Variants in SPPL2A observed in about 807,000 individuals in gnomAD.
The protein encoded by SPPL2A is signal peptide peptidase like 2A.
SPPL2A carries 51 observed loss-of-function variants against 63.8 expected under a neutral mutation model. The ratio of observed to expected loss-of-function variants is 0.80; its 90% confidence interval spans 0.64 to 1.01. The LOEUF is 1.01. SPPL2A is among the 50% of genes least tolerant of loss of function. SPPL2A has a pLI of 0.00. For synonymous variants in SPPL2A, 188 were observed against 205.8 expected (o/e 0.91, Z 0.74); for missense variants, 553 against 622.7 (o/e 0.89, Z 1.19).
At chr15:50,715,292 C>G (rs1446102039) in intron 14 of SPPL2A, among the ~76,000 whole-genome samples, 1 of 152,030 alleles carries the variant, frequency 6.6e-6, no homozygotes, top group Non-Finnish European at 1.5e-5. Context: ...GCCACCGCTC[C>G]CGGCCTAAGA....
chr15:50,752,075 C>T (rs957965564), intron 1 of SPPL2A, among the ~76,000 whole-genome samples: 2 of 151,994 alleles, frequency 1.3e-5, no homozygotes, highest in Admixed American at 6.6e-5. Flanking sequence ...AGGTGATCCA[C>T]CCACCTCAGC....
At chr15:50,760,893 T>C (rs1204400701) in intron 1 of SPPL2A, among the ~76,000 whole-genome samples, 1 of 152,156 alleles carries the variant, frequency 6.6e-6, no homozygotes, top group Non-Finnish European at 1.5e-5. Flanking sequence ...GCAACAGATT[T>C]TTCTGCTGGG....
chr15:50,723,051 A>G (rs948735960), intron 12 of SPPL2A, among the ~76,000 whole-genome samples: 3 of 152,258 alleles, frequency 2.0e-5, no homozygotes, highest in African/African-American at 4.8e-5. Context: ...CAACAGGTAT[A>G]TGAAAAAATT....
chr15:50,708,434 G>A (rs1042329785), intron 14 of SPPL2A, among the ~76,000 whole-genome samples: 1 of 152,240 alleles, frequency 6.6e-6, no homozygotes, highest in Non-Finnish European at 1.5e-5. Flanking sequence ...TAGGCCGGGC[G>A]CAGTGGCTCA....
chr15:50,739,359 A>C (rs991320484), intron 6 of SPPL2A, among the ~76,000 whole-genome samples: 1 of 151,644 alleles, frequency 6.6e-6, no homozygotes, highest in African/African-American at 2.4e-5. Context: ...CTGTATTTTC[A>C]GTATAGATGG....
rs2062497550 is a variant in SPPL2A, at chr15:50,704,865, A to T, written c.*2935T>A. 6.6e-6 allele frequency: 1 copy of T among 152,206 alleles called. No homozygotes were observed. The allele number at this position is 152,206 out of a possible 1,614,324, so 9.4% of individuals were successfully genotyped here. A position where few individuals can be genotyped will look rare whatever the true frequency, so the allele number is the denominator to read the frequency against. ...TTTAACCAATAAGATTTTAATAGCA[A>T]ATTAGAACAAGATTTTACCTCCTTA... On this transcript the variant is annotated 3_prime_UTR_variant, in exon 15 of 15. Coordinates refer to ENST00000261854, the MANE Select transcript of SPPL2A (RefSeq NM_032802.4).
intron 14 of SPPL2A, among the ~76,000 whole-genome samples, chr15:50,717,256 C>T (rs1410245001): frequency 1.3e-5 from 2 of 152,076 alleles, no homozygotes; most frequent in African/African-American, 4.8e-5. Context: ...CCCACTGAAG[C>T]CCCTATCTTC....
chr15:50,752,483 C>T (rs1216995622), intron 1 of SPPL2A, among the ~76,000 whole-genome samples: 1 of 151,770 alleles, frequency 6.6e-6, no homozygotes, highest in Non-Finnish European at 1.5e-5. Flanking sequence ...CTCGGGAGGC[C>T]GAGGCGGGTA....
Position 50,732,830 on chromosome 15 carries a change from C to T in SPPL2A, c.933-146G>A, listed in dbSNP as rs1410518839. Reference sequence around the variant, plus strand: ...TTAAGACAGATTCTCACTCTGTCACCCAGGCTGGAGTGCAGTGGCATGATC... The same window carrying T: ...TTAAGACAGATTCTCACTCTGTCACTCAGGCTGGAGTGCAGTGGCATGATC... On this transcript the variant is annotated intron_variant, in intron 8 of 14. Transcript: ENST00000261854. The T allele has an allele frequency of 6.8e-6, 4 of 589,014 alleles. No homozygotes were observed. The East Asian group carries it at 1.2e-4, about 18-fold the overall frequency. The allele number at this position is 589,014 out of a possible 1,614,324, so 36.5% of individuals were successfully genotyped here.
intron 9 of SPPL2A, 76 bp from the exon 10 acceptor site, chr15:50,731,115 C>A: frequency 1.5e-6 from 1 of 651,152 alleles, no homozygotes; most frequent in African/African-American, 1.9e-5. Context: ...TTTTCAAGTG[C>A]AAATAAATAT....
intron 1 of SPPL2A, among the ~76,000 whole-genome samples, chr15:50,755,579 C>T (rs1259521195): frequency 6.9e-6 from 1 of 144,792 alleles, no homozygotes; most frequent in Non-Finnish European, 1.5e-5. Context: ...CATGACCATG[C>T]CACTGCATTC....
chr15:50,741,895 G>A (rs755072611), intron 5 of SPPL2A, among the ~76,000 whole-genome samples: 2 of 152,006 alleles, frequency 1.3e-5, no homozygotes, highest in Non-Finnish European at 2.9e-5. Flanking sequence ...GAACCTGGGA[G>A]GCAGAGGTTG....
intron 11 of SPPL2A, chr15:50,725,847 A>G (rs2062683275): frequency 1.7e-5 from 4 of 234,786 alleles, no homozygotes; most frequent in African/African-American, 4.5e-5. Context: ...AGTTTTGAAA[A>G]AAATGCTCAA....
In SPPL2A at chr15:50,732,686, T is replaced by A; in HGVS notation, c.933-2A>T. The A allele has an allele frequency of 6.3e-7, 1 of 1,592,988 alleles. No homozygotes were observed. The highest frequency in any genetic ancestry group is 1.1e-5 in the South Asian group (1 of 89,882). ...ATATCCTGTAAAATCCAAGCCCACC[T>A]AAAATCAAAAAATATTACTCTATTG... On this transcript the variant is annotated splice_acceptor_variant, in intron 8 of 14. Coordinates refer to ENST00000261854, the MANE Select transcript of SPPL2A (RefSeq NM_032802.4). LOFTEE classifies it high-confidence loss of function.
chr15:50,703,356 A>ATATATTTTTTTTTT lies in SPPL2A; in HGVS notation c.*4443_*4444insAAAAAAAAAATATA, dbSNP rs1196710672. 2 of 62,042 alleles carry ATATATTTTTTTTTT rather than the reference A, an allele frequency of 3.2e-5. No individual in the cohort carries two copies. The highest frequency in any genetic ancestry group is 1.4e-4 in the African/African-American group (2 of 14,240). 3.8% of individuals were successfully genotyped at this position (62,042 alleles called of 1,614,324 possible). A position where few individuals can be genotyped will look rare whatever the true frequency, so the allele number is the denominator to read the frequency against. On this transcript the variant is annotated 3_prime_UTR_variant, in exon 15 of 15. Coordinates refer to ENST00000261854, the MANE Select transcript of SPPL2A (RefSeq NM_032802.4). The stretch of plus-strand genomic sequence containing the variant: ...TATATATATATATATACATATATAT[A>ATATATTTTTTTTTT]TTTTTTTTTTTTTTTTTTTTTTTTG...
chr15:50,725,720 C>A (rs527843636), intron 11 of SPPL2A, among the ~76,000 whole-genome samples: 2 of 152,176 alleles, frequency 1.3e-5, no homozygotes, highest in Non-Finnish European at 2.9e-5. Flanking sequence ...CATGAGCCAC[C>A]GTGCCTGGCC....
chr15:50,762,733 TTC>T (rs2063023009), intron 1 of SPPL2A, among the ~76,000 whole-genome samples: 1 of 138,826 alleles, frequency 7.2e-6, no homozygotes, highest in Non-Finnish European at 1.6e-5. Context: ...TTTTTTTCTT[TTC>T]TTTTTTTTTT....
At chr15:50,759,832 T>C (rs1191820880) in intron 1 of SPPL2A, among the ~76,000 whole-genome samples, 1 of 152,210 alleles carries the variant, frequency 6.6e-6, no homozygotes, top group Non-Finnish European at 1.5e-5. Context: ...CTATTTTTCA[T>C]GACTTTCTAT....
chr15:50,757,044 G>A (rs527652296), intron 1 of SPPL2A, among the ~76,000 whole-genome samples: 194 of 150,506 alleles, frequency 1.3e-3, no homozygotes, highest in Non-Finnish European at 2.3e-3. Flanking sequence ...CGCTTCTCAA[G>A]TTCCTCTAAT....
Sources: gnomAD v4.1 joint callset for allele counts (sites outside exome capture counted in the v4.1 genomes callset) on GRCh38, gnomAD v4.1.1 for gene constraint, MANE v1.5 for transcripts, NCBI Gene and HGNC (gene_info 2026-07-23, HGNC 2026-07-21) for gene names.